CNGB1: variants seen among roughly 807,000 people sequenced by gnomAD.
CNGB1 encodes cyclic nucleotide-gated channel beta-1.
In CNGB1, 126 loss-of-function variants were observed where a neutral mutation model predicts 151.7. The ratio of observed to expected loss-of-function variants is 0.83; its 90% CI spans 0.72 to 0.96. The LOEUF is 0.96. Ranked by LOEUF, CNGB1 falls within the 40% of genes least tolerant of loss-of-function variation. CNGB1 has a pLI of 0.00. For missense variants in CNGB1, 1,698 were observed against 1,627.0 expected (o/e 1.04, Z -0.75); for synonymous variants, 623 against 635.1 (o/e 0.98, Z 0.29).
chr16:57,919,080 C>G lies in CNGB1; in HGVS notation c.1957+19G>C. 1 of 1,614,214 alleles carries G rather than the reference C, an allele frequency of 6.2e-7. No individual in the cohort carries two copies. Among genetic ancestry groups the G allele is most frequent in the Non-Finnish European group, 8.5e-7 (1 of 1,180,034 alleles). ...TCTCTCATCTTACACAGTGGGAACA[C>G]CCATTCCCCAGGACTCACTGGTCAG... On this transcript the variant is annotated intron_variant, in intron 20 of 32. Coordinates refer to ENST00000251102, the MANE Select transcript of CNGB1 (RefSeq NM_001297.5).
Position 57,884,317 on chromosome 16 carries a change from C to G in CNGB1, c.3603G>C (p.Pro1201=). Residue 1201 remains proline, a synonymous_variant, in exon 33 of 33, where the codon CCG becomes CCC. Transcript: ENST00000251102. ...EPPGSPPSSP[P]PASLGRPEGE... is the part of the protein sequence containing the mutation. ...CCTCCGGCCTCCCAAGGGAGGCAGG[C>G]GGTGGAGAGCTCGGTGGAGACCCCG... is the stretch of plus-strand genomic sequence containing the variant. 6.2e-7 allele frequency: 1 copy of G among 1,612,164 alleles called. No homozygotes were observed. The highest frequency in any genetic ancestry group is 2.2e-5 in the East Asian group (1 of 44,812).
At chr16:57,893,957 A>C (rs1211111511) in intron 31 of CNGB1, among the ~76,000 whole-genome samples, 1 of 152,196 alleles carries the variant, frequency 6.6e-6, no homozygotes, top group Non-Finnish European at 1.5e-5. Flanking sequence ...CCAGCCTCCC[A>C]GACCTATTGT....
At chr16:57,957,498 G>A (rs1306001753) in intron 11 of CNGB1, 121 bp from the exon 12 acceptor site, 1 of 822,390 alleles carries the variant, frequency 1.2e-6, no homozygotes, top group Admixed American at 2.0e-5. Flanking sequence ...TTGTCCCATG[G>A]GATGGAGAAG....
chr16:57,958,623 A>T, intron 10 of CNGB1, 138 bp from the exon 11 acceptor site: 1 of 710,896 alleles, frequency 1.4e-6, no homozygotes, highest in Middle Eastern at 3.5e-4. Context: ...CCAGGTCTCC[A>T]GCCCTGAAGA....
chr16:57,888,052 T>G lies in CNGB1; in HGVS notation c.3265A>C (p.Lys1089Gln). Reference sequence around the variant, plus strand: ...AGCACGCTCTTCTCCTCCTTGGGCTTATTGTTGCTTCTCAGCATGCGCCTG... The same window carrying G: ...AGCACGCTCTTCTCCTCCTTGGGCTGATTGTTGCTTCTCAGCATGCGCCTG... ...KARRMLRSNN[K>Q]PKEEKSVLIL... The change falls in exon 32 of 33, where the codon AAG becomes CAG. Residue 1089 changes from lysine (K) to glutamine (Q), a missense_variant. Lys to Gln is a moderately conservative substitution (Grantham distance 53, BLOSUM62 1). Transcript: ENST00000251102. 1 of 1,614,044 alleles carries G rather than the reference T, an allele frequency of 6.2e-7. No individual in the cohort carries two copies. The highest frequency in any genetic ancestry group is 8.5e-7 in the Non-Finnish European group (1 of 1,180,016).
intron 23 of CNGB1, 114 bp from the exon 24 acceptor site, chr16:57,913,108 G>A (rs1252609845): frequency 1.4e-5 from 13 of 921,952 alleles, no homozygotes; most frequent in African/African-American, 6.5e-5. Flanking sequence ...GAGGGAACAG[G>A]ACGGTGAGCA....
rs757536653 is a variant in CNGB1 at position 57,959,951 on chromosome 16, G to T, written c.698C>A (p.Pro233Gln). The change falls in exon 10 of 33, where the codon CCA becomes CAA. Residue 233 changes from proline to glutamine, a missense_variant. Transcript: ENST00000251102. Reference protein sequence around the residue: ...PKEEPKEAPAPEPQPGSQAQT... With the variant: ...PKEEPKEAPAQEPQPGSQAQT... ...GGCCTGGGAGCCGGGCTGGGGCTCT[G>T]GAGCTGGTGCCTCCTTGGGTTCCTC... is the stretch of plus-strand genomic sequence containing the variant. The T allele has an allele frequency of 4.4e-6, 7 of 1,589,646 alleles. No homozygotes were observed. In the African/African-American group the frequency reaches 8.0e-5, roughly 18 times the overall value.
At chr16:57,899,264 T>A (rs1387096643) in intron 29 of CNGB1, among the ~76,000 whole-genome samples, 1 of 152,194 alleles carries the variant, frequency 6.6e-6, no homozygotes, top group Non-Finnish European at 1.5e-5. Flanking sequence ...CACCGGCCCT[T>A]GTCCTGGCCA....
intron 10 of CNGB1, among the ~76,000 whole-genome samples, chr16:57,959,525 C>G (rs1345543102): frequency 6.6e-6 from 1 of 152,104 alleles, no homozygotes; most frequent in African/African-American, 2.4e-5. Flanking sequence ...TCACTTGAAC[C>G]CAGGAGGCAG....
Position 57,911,806 on chromosome 16 carries a change from C to G in CNGB1, c.2439G>C (p.Ser813=). The G allele has an allele frequency of 6.2e-7, 1 of 1,614,062 alleles. No homozygotes were observed. Among genetic ancestry groups the G allele is most frequent in the Non-Finnish European group, 8.5e-7 (1 of 1,179,958 alleles). The change falls in exon 25 of 33, where the codon TCG becomes TCC. Residue 813 remains serine (S), a synonymous_variant. Coordinates refer to ENST00000251102, the MANE Select transcript of CNGB1 (RefSeq NM_001297.5). The stretch of plus-strand genomic sequence containing the variant: ...GAGTGGAGCCGAGGCCCTGATAGGC[C>G]GATGCCCAGTAATAAAGACAGGAAT... The part of the protein sequence containing the change: ...HLNSCLYYWA[S]AYQGLGSTHW...
intron 25 of CNGB1, among the ~76,000 whole-genome samples, chr16:57,908,803 G>A (rs569208399): frequency 1.3e-5 from 2 of 152,256 alleles, no homozygotes; most frequent in South Asian, 2.1e-4. Flanking sequence ...TCAAGCCACC[G>A]GTTGGCCTGG....
chr16:57,923,397 G>A lies in CNGB1; in HGVS notation c.1536-17C>T. 6.2e-7 allele frequency: 1 copy of A among 1,602,418 alleles called. No individual in the cohort carries two copies. The highest frequency in any genetic ancestry group is 1.7e-4 in the Middle Eastern group (1 of 5,854). On this transcript the variant is annotated splice_polypyrimidine_tract_variant and intron_variant, in intron 17 of 32. Transcript: ENST00000251102. ...AGCTTCTTCCTGCAAAGACACAGATGTGGAAGGGGCCTTCAGCAAAGGCAG... is the reference window on the plus strand; with the variant it reads ...AGCTTCTTCCTGCAAAGACACAGATATGGAAGGGGCCTTCAGCAAAGGCAG...
Position 57,950,547 on chromosome 16 carries a change from G to C in CNGB1, c.875-7C>G. On this transcript the variant is annotated splice_region_variant and splice_polypyrimidine_tract_variant and intron_variant, in intron 12 of 32. Transcript: ENST00000251102. ...CCTCCAGGAAGGATGCTGACTGCAG[G>C]GAACACAGGAAGAGCCATTTATGGG... The C allele has an allele frequency of 6.2e-7, 1 of 1,613,974 alleles. No individual in the cohort carries two copies. The highest frequency in any genetic ancestry group is 1.6e-4 in the Middle Eastern group (1 of 6,062).
At chr16:57,941,850 T>G (rs1403916868) in intron 14 of CNGB1, among the ~76,000 whole-genome samples, 3 of 152,094 alleles carry the variant, frequency 2.0e-5, no homozygotes, top group Non-Finnish European at 4.4e-5. Context: ...ATTTATTTAT[T>G]TATTTATTCA....
chr16:57,909,455 G>C (rs1296251564), intron 25 of CNGB1, among the ~76,000 whole-genome samples: 1 of 151,886 alleles, frequency 6.6e-6, no homozygotes, highest in Non-Finnish European at 1.5e-5. Context: ...GCGCAATTTT[G>C]GCTCACTGCA....
intron 2 of CNGB1, among the ~76,000 whole-genome samples, chr16:57,965,028 C>A (rs1484894556): frequency 6.6e-6 from 1 of 152,222 alleles, no homozygotes; most frequent in African/African-American, 2.4e-5. Flanking sequence ...CTTTCACCTG[C>A]CTCTGCAGCC....
rs1287073472 is a variant in CNGB1, at chr16:57,884,197, C to G, written c.3723G>C (p.Lys1241Asn). 3 of 1,614,078 alleles carry G rather than the reference C, an allele frequency of 1.9e-6. No individual in the cohort carries two copies. Among genetic ancestry groups the G allele is most frequent in the Non-Finnish European group, 2.5e-6 (3 of 1,179,944 alleles). ...PEPGEQILSV[K>N]MPEEREEKAE ...CCTTCTCCTCCCTTTCCTCCGGCAT[C>G]TTCACCGACAGGATCTGCTCTCCCG... The change falls in exon 33 of 33, where the codon AAG becomes AAC. Residue 1241 changes from lysine (K) to asparagine (N), a missense_variant. Physicochemically the swap from Lys to Asn is moderately conservative, Grantham distance 94 (BLOSUM62 0). Transcript: ENST00000251102.
At chr16:57,903,772 C>T (rs372918162) in intron 27 of CNGB1, 50 bp downstream of exon 27, 114 of 1,610,674 alleles carry the variant, frequency 7.1e-5, no homozygotes, top group Admixed American at 5.5e-4. Flanking sequence ...GGGCACCAGG[C>T]GACAGGAGTT....
In CNGB1 at chr16:57,901,387, C is replaced by T; in HGVS notation, c.2941G>A (p.Val981Ile). 6.2e-7 allele frequency: 1 copy of T among 1,614,178 alleles called. No individual in the cohort carries two copies. Among genetic ancestry groups the T allele is most frequent in the South Asian group, 1.1e-5 (1 of 91,084 alleles). Residue 981 changes from valine to isoleucine, a missense_variant, in exon 29 of 33, where the codon GTT (valine) becomes ATT (isoleucine). Physicochemically the swap from Val to Ile is conservative, Grantham distance 29. Transcript: ENST00000251102. ...IFDMLKRLRS[V>I]VYLPNDYVCK... ...ACATAGTCGTTGGGCAGGTAGACAA[C>T]AGAGCGAAGCCTCTTCAGCATGTCA...
Sources: gnomAD v4.1 joint callset for allele counts (sites outside exome capture counted in the v4.1 genomes callset) on GRCh38, gnomAD v4.1.1 for gene constraint, MANE v1.5 for transcripts, NCBI Gene and HGNC (gene_info 2026-07-23, HGNC 2026-07-21) for gene names.